Variants in HIPK2 observed in about 807,000 individuals in gnomAD.
The protein encoded by HIPK2 is homeodomain interacting protein kinase 2.
Under a neutral mutation model 113.7 loss-of-function variants are expected in HIPK2, and 27 were observed. That is an observed-to-expected ratio of 0.24 (90% CI 0.17 to 0.33). The LOEUF is 0.33. Ranked by LOEUF, HIPK2 falls within the 10% of genes least tolerant of loss-of-function variation. The probability of loss-of-function intolerance (pLI) is 1.00; values close to 1 mark genes in which losing one functional copy is unlikely to be tolerated. For synonymous variants in HIPK2, 631 were observed against 642.2 expected (o/e 0.98, Z 0.26); for missense variants, 1,257 against 1,588.0 (o/e 0.79, Z 3.54).
intron 2 of HIPK2, among the ~76,000 whole-genome samples, chr7:139,667,550 A>G (rs1802091417): frequency 6.6e-6 from 1 of 152,192 alleles, no homozygotes; most frequent in Non-Finnish European, 1.5e-5. Flanking sequence ...GAGTGTCACT[A>G]ATCTGGTGCT....
intron 1 of HIPK2, among the ~76,000 whole-genome samples, chr7:139,727,493 G>C (rs1585427574): frequency 6.6e-6 from 1 of 152,150 alleles, no homozygotes; most frequent in Admixed American, 6.5e-5. Context: ...TGCTACCATA[G>C]GCTGTGTTTC....
At chr7:139,777,538 C>A (rs1796800837) in intron 1 of HIPK2, 67 bp downstream of exon 1, 2 of 754,456 alleles carry the variant, frequency 2.7e-6, no homozygotes, top group Non-Finnish European at 3.3e-6. Context: ...GGGCCGCGGG[C>A]AGAACAAAGC....
At chr7:139,635,247 G>A (rs1363467020) in intron 2 of HIPK2, among the ~76,000 whole-genome samples, 9 of 152,166 alleles carry the variant, frequency 5.9e-5, no homozygotes, top group African/African-American at 9.7e-5. Flanking sequence ...GAAGTCTGAC[G>A]CTCCAGTCTG....
At chr7:139,767,159 C>T (rs1796566777) in intron 1 of HIPK2, among the ~76,000 whole-genome samples, 1 of 152,224 alleles carries the variant, frequency 6.6e-6, no homozygotes, top group South Asian at 2.1e-4. Flanking sequence ...ATGTACTCTT[C>T]CAAAACAATG....
chr7:139,563,480 G>GGTTA lies in HIPK2; in HGVS notation c.*9443_*9446dup, dbSNP rs1347170369. On this transcript the variant is annotated 3_prime_UTR_variant, in exon 15 of 15. Coordinates refer to ENST00000406875, the MANE Select transcript of HIPK2 (RefSeq NM_022740.5). ...GCCAGGAGAGATTCGTTTGGAGATT[G>GGTTA]GTTACAAGGAAGCGAGGGAGAGCAG... 1 of 169,442 alleles carries GGTTA rather than the reference G, an allele frequency of 5.9e-6. No individual in the cohort carries two copies. Among genetic ancestry groups the GGTTA allele is most frequent in the African/African-American group, 2.4e-5 (1 of 42,216 alleles). 10.5% of individuals were successfully genotyped at this position (169,442 alleles called of 1,614,324 possible).
In HIPK2 at chr7:139,568,200, T is replaced by C. The variant is rs1798152256; in HGVS notation, c.*4727A>G. On this transcript the variant is annotated 3_prime_UTR_variant, in exon 15 of 15. Transcript: ENST00000406875. ...GTTGGTGTCTGGGCGGGCTGAGTCT[T>C]CTAGGTTGAAGAGGACAAAGGTCAG... The C allele has an allele frequency of 6.6e-6, 1 of 152,232 alleles. No individual in the cohort carries two copies. The highest frequency in any genetic ancestry group is 2.4e-5 in the African/African-American group (1 of 41,432). 9.4% of individuals were successfully genotyped at this position (152,232 alleles called of 1,614,324 possible). A position where few individuals can be genotyped will look rare whatever the true frequency, so the allele number is the denominator to read the frequency against.
chr7:139,716,376 C>A lies in HIPK2; in HGVS notation c.659G>T (p.Gly220Val). ...FGQVVKCWKRGTNEIVAIKIL... is the reference protein window; with the variant it reads ...FGQVVKCWKRVTNEIVAIKIL... The stretch of plus-strand genomic sequence containing the variant: ...CTTGATGGCTACGATCTCATTGGTG[C>A]CCCGTTTCCAGCACTTGACCACTTG... The change falls in exon 2 of 15, where the codon GGC (glycine) becomes GTC (valine). Residue 220 changes from glycine (G) to valine (V), a missense_variant. Around this residue, in one of 5 missense-constraint regions of HIPK2, gnomAD observed 78 missense variants for 145.7 expected, o/e 0.54. Coordinates refer to ENST00000406875, the MANE Select transcript of HIPK2 (RefSeq NM_022740.5). The surrounding 1 kb of genome is among the most constrained non-coding windows in gnomAD (Gnocchi z 9.3). 1.2e-6 allele frequency: 2 copies of A among 1,614,100 alleles called. No homozygotes were observed. The highest frequency in any genetic ancestry group is 1.7e-6 in the Non-Finnish European group (2 of 1,180,006).
At chr7:139,655,044 G>A (rs1207385376) in intron 2 of HIPK2, among the ~76,000 whole-genome samples, 1 of 152,122 alleles carries the variant, frequency 6.6e-6, no homozygotes, top group East Asian at 1.9e-4. Flanking sequence ...ATAGAAAATA[G>A]CTAATTCACA....
chr7:139,655,652 G>A (rs1171378240), intron 2 of HIPK2, among the ~76,000 whole-genome samples: 4 of 152,186 alleles, frequency 2.6e-5, no homozygotes, highest in Non-Finnish European at 4.4e-5. Context: ...GGACGCACAA[G>A]TGGAGGGGTC....
At chr7:139,723,113 T>C (rs1795463373) in intron 1 of HIPK2, among the ~76,000 whole-genome samples, 1 of 152,044 alleles carries the variant, frequency 6.6e-6, no homozygotes, top group African/African-American at 2.4e-5. Context: ...GGGCTACAAA[T>C]AATGTAATAA....
intron 7 of HIPK2, among the ~76,000 whole-genome samples, chr7:139,615,553 A>C (rs1487601178): frequency 6.6e-6 from 1 of 152,242 alleles, no homozygotes; most frequent in East Asian, 1.9e-4. Context: ...AGTTTCCCCT[A>C]TCTTAGCCTT....
rs367676702 is a variant in HIPK2, at chr7:139,644,494, G to A, written c.1104-12769C>T. 1.5e-4 allele frequency among the ~76,000 whole-genome samples: 23 copies of A among 152,376 alleles called. No individual in the cohort carries two copies. In the South Asian group the frequency reaches 4.1e-3, roughly 27 times the overall value. Reference sequence around the variant, plus strand: ...AGATGAGGCTCCTGCCCAGGTGAGCGCAAAGGCCAGAGGCTGGGAATCCCA... The same window carrying A: ...AGATGAGGCTCCTGCCCAGGTGAGCACAAAGGCCAGAGGCTGGGAATCCCA... On this transcript the variant is annotated intron_variant, in intron 2 of 14. Transcript: ENST00000406875.
intron 2 of HIPK2, among the ~76,000 whole-genome samples, chr7:139,649,437 C>T (rs1211834891): frequency 2.6e-5 from 4 of 152,204 alleles, no homozygotes; most frequent in African/African-American, 9.7e-5. Flanking sequence ...TAGGGGAAAA[C>T]ACACTGGGGC....
intron 1 of HIPK2, among the ~76,000 whole-genome samples, chr7:139,732,354 G>A (rs1336740014): frequency 2.0e-5 from 3 of 152,150 alleles, no homozygotes; most frequent in Admixed American, 6.5e-5. Context: ...CAGTCCTGGC[G>A]TTATTACCCA....
At chr7:139,585,771 GA>G (rs1798813851) in intron 12 of HIPK2, among the ~76,000 whole-genome samples, 1 of 152,164 alleles carries the variant, frequency 6.6e-6, no homozygotes, top group African/African-American at 2.4e-5. Context: ...GTTAACATGT[GA>G]AAACAGGTTT....
intron 1 of HIPK2, among the ~76,000 whole-genome samples, chr7:139,748,772 G>A (rs952689967): frequency 2.6e-5 from 4 of 152,150 alleles, no homozygotes; most frequent in Non-Finnish European, 2.9e-5. Context: ...CAACATGTGA[G>A]TGGGGAGGGG....
At chr7:139,741,069 C>A (rs1796086265) in intron 1 of HIPK2, among the ~76,000 whole-genome samples, 1 of 152,184 alleles carries the variant, frequency 6.6e-6, no homozygotes, top group Non-Finnish European at 1.5e-5. Context: ...ACTGCTTGAA[C>A]CCTGGAGGCA....
chr7:139,634,326 T>G (rs1182696517), intron 2 of HIPK2, among the ~76,000 whole-genome samples: 3 of 152,016 alleles, frequency 2.0e-5, no homozygotes, highest in Non-Finnish European at 4.4e-5. Flanking sequence ...GTGTTCTGCT[T>G]GGCACTTCAC....
Position 139,567,115 on chromosome 7 carries a change from A to G in HIPK2, c.*5812T>C, listed in dbSNP as rs1351554212. 1.3e-5 allele frequency: 2 copies of G among 152,112 alleles called. No individual in the cohort carries two copies. Among genetic ancestry groups the G allele is most frequent in the African/African-American group, 4.8e-5 (2 of 41,402 alleles). The allele number at this position is 152,112 out of a possible 1,614,324, so 9.4% of individuals were successfully genotyped here. The stretch of plus-strand genomic sequence containing the variant: ...CCTGTTTCACCGCCTTCCATTCTCT[A>G]GTGGCCTGAGATTTTACTGAGTCTG... On this transcript the variant is annotated 3_prime_UTR_variant, in exon 15 of 15. Coordinates refer to ENST00000406875, the MANE Select transcript of HIPK2 (RefSeq NM_022740.5).
Sources: gnomAD v4.1 joint callset for allele counts (sites outside exome capture counted in the v4.1 genomes callset) on GRCh38, gnomAD v4.1.1 for gene constraint, gnomAD v4.1.1 regional missense constraint, Gnocchi (gnomAD v3.1) non-coding constraint, MANE v1.5 for transcripts, NCBI Gene and HGNC (gene_info 2026-07-23, HGNC 2026-07-21) for gene names.